CARS1: variants seen among roughly 807,000 people sequenced by gnomAD.
CARS1 encodes cysteine--tRNA ligase, cytoplasmic.
In CARS1, 48 loss-of-function variants were observed where a neutral mutation model predicts 106.2. The observed-to-expected ratio is 0.45, with a 90% CI of 0.36 to 0.57. The LOEUF (loss-of-function observed/expected upper bound fraction) is 0.57. CARS1 is among the 20% of genes least tolerant of loss of function. The pLI is 0.00. For missense variants in CARS1, 968 were observed against 1,057.2 expected (o/e 0.92, Z 1.17); for synonymous variants, 409 against 403.4 (o/e 1.01, Z -0.17).
Position 3,048,325 on chromosome 11 carries a change from C to G in CARS1, c.26-324G>C, listed in dbSNP as rs1356270283. On this transcript the variant is annotated intron_variant, in intron 1 of 22. Coordinates refer to ENST00000380525, the MANE Select transcript of CARS1 (RefSeq NM_001014437.3). The surrounding 1 kb of genome is among the most constrained non-coding windows in gnomAD (Gnocchi z 5.1). ...TTTTCACTTTATGTCATATAAATTACTTAGTTTTTACATTTTTAATTTATG... is the reference window on the plus strand; with the variant it reads ...TTTTCACTTTATGTCATATAAATTAGTTAGTTTTTACATTTTTAATTTATG... The G allele has an allele frequency of 1.7e-5, 4 of 241,852 alleles. No homozygotes were observed. The highest frequency in any genetic ancestry group is 8.9e-5 in the African/African-American group (4 of 44,726). 15.0% of individuals were successfully genotyped at this position (241,852 alleles called of 1,614,324 possible).
In CARS1 at chr11:3,039,770, A is replaced by G. The variant is rs1203250969; in HGVS notation, c.552+65T>C. 2.5e-6 allele frequency: 2 copies of G among 809,750 alleles called. No individual in the cohort carries two copies. The highest frequency in any genetic ancestry group is 3.5e-5 in the African/African-American group (2 of 56,778). 50.2% of individuals were successfully genotyped at this position (809,750 alleles called of 1,614,324 possible). The stretch of plus-strand genomic sequence containing the variant: ...CAAGCCTACATTATTTACTTATGCG[A>G]AAGTTCTATCTTCTTTTACACCATC... On this transcript the variant is annotated intron_variant, in intron 5 of 22. Coordinates refer to ENST00000380525, the MANE Select transcript of CARS1 (RefSeq NM_001014437.3). The surrounding 1 kb of genome is among the most constrained non-coding windows in gnomAD (Gnocchi z 5.6).
Position 3,017,837 on chromosome 11 carries a change from A to G in CARS1, c.1727+20T>C, listed in dbSNP as rs770041306. ...AACATGGGCATGCTCAAAAACCCCAAAGAAATGGCACCACCTTACTTCTTA... is the reference window on the plus strand; with the variant it reads ...AACATGGGCATGCTCAAAAACCCCAGAGAAATGGCACCACCTTACTTCTTA... On this transcript the variant is annotated intron_variant, in intron 15 of 22. Transcript: ENST00000380525. The surrounding 1 kb of genome is among the most constrained non-coding windows in gnomAD (Gnocchi z 4.9). 3.8e-6 allele frequency: 6 copies of G among 1,568,066 alleles called. No homozygotes were observed. The East Asian group carries it at 1.1e-4, about 29-fold the overall frequency.
At position 3,028,803 on chromosome 11, in the gene CARS1, G is replaced by T. The variant is rs372218641; in HGVS notation, c.1031+193C>A. Reference sequence around the variant, plus strand: ...GTTAGGTTCTCACCATGGCCCCCAGGACAGTGCAGACCCATGCTCCTCAGC... The same window carrying T: ...GTTAGGTTCTCACCATGGCCCCCAGTACAGTGCAGACCCATGCTCCTCAGC... On this transcript the variant is annotated intron_variant, in intron 9 of 22. Coordinates refer to ENST00000380525, the MANE Select transcript of CARS1 (RefSeq NM_001014437.3). The surrounding 1 kb of genome is among the most constrained non-coding windows in gnomAD (Gnocchi z 4.4). 8.5e-6 allele frequency: 5 copies of T among 589,506 alleles called. No individual in the cohort carries two copies. Among genetic ancestry groups the T allele is most frequent in the East Asian group, 8.4e-5 (3 of 35,884 alleles). The allele number at this position is 589,506 out of a possible 1,614,324, so 36.5% of individuals were successfully genotyped here.
In CARS1 at chr11:3,001,131, T is replaced by C. The variant is rs2134065643; in HGVS notation, c.2479A>G (p.Asn827Asp). ...LYKEYLQMAQ[N>D]GSFQ ...GTGCCCCCTCACTGGAAGCTTCCAT[T>C]CTGGGCCATCTGCAGATATTCCTTG... Residue 827 changes from asparagine to aspartate, a missense_variant, in exon 23 of 23, where the codon AAT (asparagine) becomes GAT (aspartate). Physicochemically the swap from Asn to Asp is conservative, Grantham distance 23. Transcript: ENST00000380525. The C allele has an allele frequency of 6.2e-7, 1 of 1,614,048 alleles. No individual in the cohort carries two copies. Among genetic ancestry groups the C allele is most frequent in the Non-Finnish European group, 8.5e-7 (1 of 1,180,002 alleles).
chr11:3,055,075 C>T (rs1856064865), intron 1 of CARS1: 4 of 646,186 alleles, frequency 6.2e-6, no homozygotes, highest in Non-Finnish European at 1.1e-5. Context: ...GAGAAATAGA[C>T]CTTCTGAGTC....
At position 3,034,911 on chromosome 11, in the gene CARS1, T is replaced by C. The variant is rs974675718; in HGVS notation, c.801+3139A>G. Among the ~76,000 whole-genome samples the C allele has an allele frequency of 2.0e-5, 3 of 152,182 alleles. No individual in the cohort carries two copies. Among genetic ancestry groups the C allele is most frequent in the Non-Finnish European group, 4.4e-5 (3 of 68,020 alleles). ...GAAAGTTCAAGGTCAAGGGGCCACA[T>C]CTGTTCTGGGCCTTCTTGCTGGTGG... is the stretch of plus-strand genomic sequence containing the variant. On this transcript the variant is annotated intron_variant, in intron 7 of 22. Transcript: ENST00000380525. This position sits in a 1 kb window ranked among gnomAD's most constrained non-coding sequence, Gnocchi z 6.3.
In CARS1 at chr11:3,044,957, C is replaced by T. The variant is rs1006176263; in HGVS notation, c.275-2701G>A. Among the ~76,000 whole-genome samples the T allele has an allele frequency of 6.6e-6, 1 of 152,124 alleles. No individual in the cohort carries two copies. The highest frequency in any genetic ancestry group is 2.4e-5 in the African/African-American group (1 of 41,410). ...AATCCTTCATCAGGAAGTTAAGGGT[C>T]CTCCATCGGAGGGGTGAGAGCAACA... On this transcript the variant is annotated intron_variant, in intron 2 of 22. Transcript: ENST00000380525. This position sits in a 1 kb window ranked among gnomAD's most constrained non-coding sequence, Gnocchi z 4.4.
rs1347033431 is a variant in CARS1 at position 3,038,437 on chromosome 11, G to A, written c.652-238C>T. 6.6e-6 allele frequency among the ~76,000 whole-genome samples: 1 copy of A among 152,136 alleles called. No individual in the cohort carries two copies. Among genetic ancestry groups the A allele is most frequent in the African/African-American group, 2.4e-5 (1 of 41,416 alleles). ...TGGACAGGGCACCTAACCTCTCTGTGCCTCAGTTTCTCCAATGCAAATTGG... is the reference window on the plus strand; with the variant it reads ...TGGACAGGGCACCTAACCTCTCTGTACCTCAGTTTCTCCAATGCAAATTGG... On this transcript the variant is annotated intron_variant, in intron 6 of 22. Transcript: ENST00000380525. This position sits in a 1 kb window ranked among gnomAD's most constrained non-coding sequence, Gnocchi z 4.0.
Position 3,005,399 on chromosome 11 carries a change from GT to G in CARS1, c.2183del (p.Asn728ThrfsTer4). 1.2e-6 allele frequency: 2 copies of G among 1,613,728 alleles called. No individual in the cohort carries two copies. Among genetic ancestry groups the G allele is most frequent in the Non-Finnish European group, 1.7e-6 (2 of 1,179,698 alleles). ...LPTVVKLVDR[N>X]TLLKEREEKR... ...TTTCTTCTCTCTCTTTTAATAAGGT[GT>G]TTCTGTCTACCAGTTTCACCACTGT... On this transcript the variant is annotated frameshift_variant, in exon 20 of 23. Transcript: ENST00000380525. LOFTEE classifies it high-confidence loss of function.
chr11:3,048,105 G>A lies in CARS1; in HGVS notation c.26-104C>T, dbSNP rs747845321. On this transcript the variant is annotated intron_variant, in intron 1 of 22. Coordinates refer to ENST00000380525, the MANE Select transcript of CARS1 (RefSeq NM_001014437.3). The surrounding 1 kb of genome is among the most constrained non-coding windows in gnomAD (Gnocchi z 5.1). ...ATGGCACAGAACCAAGGAAAAAGGT[G>A]TTCAAGCCCTTCCCTGGACGCCAAA... The A allele has an allele frequency of 2.9e-6, 4 of 1,395,636 alleles. No homozygotes were observed. In the Admixed American group the frequency reaches 8.9e-5, roughly 31 times the overall value. The allele number at this position is 1,395,636 out of a possible 1,614,324, so 86.5% of individuals were successfully genotyped here.
chr11:3,015,736 G>T, intron 17 of CARS1, 45 bp downstream of exon 17: 3 of 1,535,800 alleles, frequency 2.0e-6, no homozygotes, highest in Non-Finnish European at 2.7e-6. Flanking sequence ...GGTAGGGAGT[G>T]GGGAGGGAGC....
In CARS1 at chr11:3,041,145, A is replaced by G. The variant is rs1854395959; in HGVS notation, c.367-161T>C. 2.7e-6 allele frequency: 3 copies of G among 1,108,932 alleles called. No individual in the cohort carries two copies. The highest frequency in any genetic ancestry group is 3.8e-6 in the Non-Finnish European group (3 of 795,988). The allele number at this position is 1,108,932 out of a possible 1,614,324, so 68.7% of individuals were successfully genotyped here. On this transcript the variant is annotated intron_variant, in intron 3 of 22. Coordinates refer to ENST00000380525, the MANE Select transcript of CARS1 (RefSeq NM_001014437.3). The surrounding 1 kb of genome is among the most constrained non-coding windows in gnomAD (Gnocchi z 4.9). Reference sequence around the variant, plus strand: ...TGTGAAAAGTCACAGTCTCAGTGGGAGCCCAGTGAGATGTACGGCACCTCC... The same window carrying G: ...TGTGAAAAGTCACAGTCTCAGTGGGGGCCCAGTGAGATGTACGGCACCTCC...
At position 3,039,333 on chromosome 11, in the gene CARS1, C is replaced by T. The variant is rs1854110553; in HGVS notation, c.553-41G>A. 5.8e-6 allele frequency: 7 copies of T among 1,210,000 alleles called. No individual in the cohort carries two copies. Among genetic ancestry groups the T allele is most frequent in the Non-Finnish European group, 8.6e-6 (7 of 812,456 alleles). 75.0% of individuals were successfully genotyped at this position (1,210,000 alleles called of 1,614,324 possible). ...AGACATTGGGGAGTGATGCTTGGAT[C>T]CCACATGCATCCCTCTGCAGCAGGC... is the stretch of plus-strand genomic sequence containing the variant. On this transcript the variant is annotated intron_variant, in intron 5 of 22. Transcript: ENST00000380525. This position sits in a 1 kb window ranked among gnomAD's most constrained non-coding sequence, Gnocchi z 5.6.
In CARS1 at chr11:3,040,338, T is replaced by C. The variant is rs932583645; in HGVS notation, c.456-407A>G. 1 of 320,714 alleles carries C rather than the reference T, an allele frequency of 3.1e-6. No homozygotes were observed. The highest frequency in any genetic ancestry group is 2.2e-5 in the African/African-American group (1 of 46,246). The allele number at this position is 320,714 out of a possible 1,614,324, so 19.9% of individuals were successfully genotyped here. ...CAAAAGTTATGTGTGGATTTTCAACTGTGCAGAGGGTCACACCCTCTACCC... is the reference window on the plus strand; with the variant it reads ...CAAAAGTTATGTGTGGATTTTCAACCGTGCAGAGGGTCACACCCTCTACCC... On this transcript the variant is annotated intron_variant, in intron 4 of 22. Coordinates refer to ENST00000380525, the MANE Select transcript of CARS1 (RefSeq NM_001014437.3). This position sits in a 1 kb window ranked among gnomAD's most constrained non-coding sequence, Gnocchi z 5.8.
intron 16 of CARS1, among the ~76,000 whole-genome samples, chr11:3,016,672 C>T (rs551282825): frequency 6.6e-6 from 1 of 152,058 alleles, no homozygotes; most frequent in African/African-American, 2.4e-5. Flanking sequence ...GAGTGGAGTG[C>T]AGTAGTGCAA....
Position 3,047,944 on chromosome 11 carries a change from A to G in CARS1, c.83T>C (p.Leu28Pro). The G allele has an allele frequency of 2.5e-6, 4 of 1,614,166 alleles. No individual in the cohort carries two copies. The highest frequency in any genetic ancestry group is 2.5e-6 in the Non-Finnish European group (3 of 1,180,042). ...ISDEAARAQA[L>P]NEHLSTRSYV... ...GCTACGCGTGCTGAGGTGCTCGTTCAGGGCTTGTGCCCTGGCTGCCTCGTC... is the reference window on the plus strand; with the variant it reads ...GCTACGCGTGCTGAGGTGCTCGTTCGGGGCTTGTGCCCTGGCTGCCTCGTC... Residue 28 changes from leucine to proline, a missense_variant, in exon 2 of 23, where the codon CTG becomes CCG. Coordinates refer to ENST00000380525, the MANE Select transcript of CARS1 (RefSeq NM_001014437.3).
rs879199666 is a variant in CARS1, at chr11:3,018,605, G to A, written c.1525+15C>T. On this transcript the variant is annotated intron_variant, in intron 13 of 22. Coordinates refer to ENST00000380525, the MANE Select transcript of CARS1 (RefSeq NM_001014437.3). ...GAAGGTGGTTGGGGGGTCTGTGGGA[G>A]AAGCCAGTGTATACCTGAGTGCTTT... 6.2e-7 allele frequency: 1 copy of A among 1,613,870 alleles called. No homozygotes were observed. Among genetic ancestry groups the A allele is most frequent in the African/African-American group, 1.3e-5 (1 of 74,940 alleles).
rs968208616 is a variant in CARS1 at position 3,003,463 on chromosome 11, G to A, written c.2218-863C>T. Among the ~76,000 whole-genome samples the A allele has an allele frequency of 6.6e-6, 1 of 152,188 alleles. No homozygotes were observed. Among genetic ancestry groups the A allele is most frequent in the African/African-American group, 2.4e-5 (1 of 41,436 alleles). On this transcript the variant is annotated intron_variant, in intron 20 of 22. Coordinates refer to ENST00000380525, the MANE Select transcript of CARS1 (RefSeq NM_001014437.3). This position sits in a 1 kb window ranked among gnomAD's most constrained non-coding sequence, Gnocchi z 4.8. ...CTTCCTGGCCCAGTGGAGCTATCAGGTAGGCAGCTGGGCAAACTGTTTTTG... is the reference window on the plus strand; with the variant it reads ...CTTCCTGGCCCAGTGGAGCTATCAGATAGGCAGCTGGGCAAACTGTTTTTG...
rs947041376 is a variant in CARS1 at position 3,044,823 on chromosome 11, G to A, written c.275-2567C>T. On this transcript the variant is annotated intron_variant, in intron 2 of 22. Transcript: ENST00000380525. The surrounding 1 kb of genome is among the most constrained non-coding windows in gnomAD (Gnocchi z 4.4). ...AGAGACATGGCTTTGAAACAGGGATGTGGGAGGCTGAAGATAAAATGATGG... is the reference window on the plus strand; with the variant it reads ...AGAGACATGGCTTTGAAACAGGGATATGGGAGGCTGAAGATAAAATGATGG... Among the ~76,000 whole-genome samples the A allele has an allele frequency of 7.2e-5, 11 of 152,168 alleles. No homozygotes were observed. Among genetic ancestry groups the A allele is most frequent in the African/African-American group, 2.4e-4 (10 of 41,436 alleles).
Sources: gnomAD v4.1 joint callset for allele counts (sites outside exome capture counted in the v4.1 genomes callset) on GRCh38, gnomAD v4.1.1 for gene constraint, Gnocchi (gnomAD v3.1) non-coding constraint, MANE v1.5 for transcripts, NCBI Gene and HGNC (gene_info 2026-07-23, HGNC 2026-07-21) for gene names.